LPA: variants seen among roughly 807,000 people sequenced by gnomAD.
LPA encodes the protein apolipoprotein(a).
A neutral mutation model predicts 197.9 loss-of-function variants in LPA; 199 were observed. That is an observed-to-expected ratio of 1.01 (90% CI 0.90 to 1.13). The LOEUF is 1.13. Among genes scored for constraint, LPA ranks in the 50% most tolerant of loss-of-function variants. The pLI, the probability that LPA is intolerant of heterozygous loss-of-function variation, is 0.00. For synonymous variants in LPA, 715 were observed against 639.5 expected, an observed-to-expected ratio of 1.12 and a Z score of -1.78; for missense variants, 1,853 against 1,785.8, an observed-to-expected ratio of 1.04 and a Z score of -0.68.
chr6:160,592,105 C>T (rs1207629474), intron 22 of LPA, among the ~76,000 whole-genome samples: 1 of 152,160 alleles, frequency 6.6e-6, no homozygotes, highest in Non-Finnish European at 1.5e-5. Flanking sequence ...TCAAGTATAA[C>T]TTCTGTCACA....
chr6:160,600,759 G>T (rs948221889), intron 19 of LPA, among the ~76,000 whole-genome samples, 158 bp downstream of exon 19: 1 of 152,014 alleles, frequency 6.6e-6, no homozygotes, highest in Non-Finnish European at 1.5e-5. Flanking sequence ...CACACCTCTG[G>T]CTCCCCCAGA....
At chr6:160,537,018 T>G (rs1386022925) in intron 37 of LPA, among the ~76,000 whole-genome samples, 3 of 152,194 alleles carry the variant, frequency 2.0e-5, no homozygotes, top group African/African-American at 7.2e-5. Flanking sequence ...AGTTCAGGTC[T>G]ATCTGGCAAG....
At position 160,610,661 on chromosome 6, in the gene LPA, G is replaced by C. The variant is rs771885998; in HGVS notation, c.2603+901C>G. ...TAGAGCTCCTTTCCTCCACAAACCA[G>C]TTCTTATTTGTAGCGGACCTAGAAA... On this transcript the variant is annotated intron_variant, in intron 16 of 38. Transcript: ENST00000316300. Among the ~76,000 whole-genome samples the C allele has an allele frequency of 2.6e-5, 4 of 152,132 alleles. 1 individual carries two copies. Among genetic ancestry groups the C allele is most frequent in the Non-Finnish European group, 5.9e-5 (4 of 68,032 alleles).
intron 28 of LPA, among the ~76,000 whole-genome samples, chr6:160,565,799 G>T (rs1432074544): frequency 6.6e-6 from 1 of 152,128 alleles, no homozygotes; most frequent in African/African-American, 2.4e-5. Flanking sequence ...TAGATGAATG[G>T]CAGACTAAAA....
intron 25 of LPA, among the ~76,000 whole-genome samples, chr6:160,586,077 C>A (rs1778904657): frequency 6.6e-6 from 1 of 152,138 alleles, no homozygotes; most frequent in Non-Finnish European, 1.5e-5. Context: ...CTGAAGACTG[C>A]AATAAACACT....
At chr6:160,563,016 C>A (rs1778388508) in intron 28 of LPA, among the ~76,000 whole-genome samples, 2 of 151,978 alleles carry the variant, frequency 1.3e-5, no homozygotes, top group Non-Finnish European at 2.9e-5. Flanking sequence ...TTCAAAAAAC[C>A]AGCTCTTGGA....
chr6:160,609,559 T>A (rs899799576), intron 16 of LPA, among the ~76,000 whole-genome samples: 1 of 152,120 alleles, frequency 6.6e-6, no homozygotes, highest in Non-Finnish European at 1.5e-5. Flanking sequence ...ATCCCTTTAG[T>A]TTCATGAATC....
At chr6:160,578,909 T>C (rs1009909990) in intron 26 of LPA, among the ~76,000 whole-genome samples, 2 of 152,208 alleles carry the variant, frequency 1.3e-5, no homozygotes, top group African/African-American at 4.8e-5. Flanking sequence ...ATAATTTTTG[T>C]TTTAAAACAT....
rs1267729328 is a variant in LPA, at chr6:160,540,106, A to G, written c.5672T>C (p.Ile1891Thr). The G allele has an allele frequency of 6.2e-7, 1 of 1,614,096 alleles. No homozygotes were observed. The highest frequency in any genetic ancestry group is 8.5e-7 in the Non-Finnish European group (1 of 1,180,014). ...CTCCAAGAACAGCCTAGACACTTCT[A>G]TTTCCTGAACATGAGATTCGAGGTT... is the stretch of plus-strand genomic sequence containing the variant. ...EVNLESHVQE[I>T]EVSRLFLEPT... The change falls in exon 36 of 39, where the codon ATA becomes ACA. Residue 1891 changes from isoleucine (I) to threonine (T), a missense_variant. Physicochemically the swap from Ile to Thr is moderately conservative, Grantham distance 89. Transcript: ENST00000316300.
At position 160,593,129 on chromosome 6, in the gene LPA, G is replaced by A. The variant is rs77182492; in HGVS notation, c.3629+829C>T. Among the ~76,000 whole-genome samples, 104 of 152,166 alleles carry A rather than the reference G, an allele frequency of 6.8e-4. No individual in the cohort carries two copies. The East Asian group carries it at 0.018, about 26-fold the overall frequency. On this transcript the variant is annotated intron_variant, in intron 22 of 38. Coordinates refer to ENST00000316300, the MANE Select transcript of LPA (RefSeq NM_005577.4). Reference sequence around the variant, plus strand: ...GCCTAGAATACGTCAGATGCCTGAGGCATCACAAACTCCAGTCTCTCTCCT... The same window carrying A: ...GCCTAGAATACGTCAGATGCCTGAGACATCACAAACTCCAGTCTCTCTCCT...
chr6:160,538,897 A>AC (rs1777934179), intron 36 of LPA, among the ~76,000 whole-genome samples: 1 of 152,146 alleles, frequency 6.6e-6, no homozygotes, highest in African/African-American at 2.4e-5. Flanking sequence ...CCATCAGAAC[A>AC]CCCCAGCTCT....
chr6:160,532,003 A>C, intron 38 of LPA, 113 bp from the exon 39 acceptor site: 1 of 1,251,624 alleles, frequency 8.0e-7, no homozygotes, highest in Non-Finnish European at 1.2e-6. Flanking sequence ...CAAATCAGAA[A>C]GGAACTTATG....
chr6:160,605,285 G>C (rs1779324237), intron 17 of LPA, 80 bp from the exon 18 acceptor site: 7 of 1,530,666 alleles, frequency 4.6e-6, no homozygotes, highest in Non-Finnish European at 6.3e-6. Context: ...GCACAAACCA[G>C]AAAAAAGTCT....
chr6:160,610,770 T>C lies in LPA; in HGVS notation c.2603+792A>G, dbSNP rs1190188835. Among the ~76,000 whole-genome samples the C allele has an allele frequency of 7.2e-5, 11 of 152,244 alleles. No individual in the cohort carries two copies. In the East Asian group the frequency reaches 2.1e-3, roughly 29 times the overall value. On this transcript the variant is annotated intron_variant, in intron 16 of 38. Transcript: ENST00000316300. ...CTGCTTGAGCTCCATCTCCTTGCTATTCAGTGCAGGAAGGGTATCCAGGAA... is the reference window on the plus strand; with the variant it reads ...CTGCTTGAGCTCCATCTCCTTGCTACTCAGTGCAGGAAGGGTATCCAGGAA...
intron 16 of LPA, among the ~76,000 whole-genome samples, chr6:160,609,413 C>CT (rs1779432373): frequency 1.3e-5 from 2 of 152,206 alleles, no homozygotes; most frequent in South Asian, 4.2e-4. Context: ...TATCACTGTA[C>CT]TCTAGGAAGA....
At chr6:160,568,647 C>A (rs1778506837) in intron 28 of LPA, among the ~76,000 whole-genome samples, 1 of 152,142 alleles carries the variant, frequency 6.6e-6, no homozygotes, top group African/African-American at 2.4e-5. Flanking sequence ...GGCAATTAGG[C>A]AGGAGAAGGA....
intron 2 of LPA, among the ~76,000 whole-genome samples, chr6:160,647,219 G>T (rs1336161335): frequency 5.9e-5 from 9 of 152,196 alleles, no homozygotes; most frequent in African/African-American, 1.4e-4. Context: ...ATGGCAGGAA[G>T]ACTAAGAGAT....
At chr6:160,557,711 A>G in intron 28 of LPA, 140 bp from the exon 29 acceptor site, 2 of 672,252 alleles carry the variant, frequency 3.0e-6, no homozygotes, top group Non-Finnish European at 2.6e-6. Context: ...ATATTCCGAA[A>G]AGCAAAAACG....
At position 160,586,586 on chromosome 6, in the gene LPA, C is replaced by A. The variant is rs201628383; in HGVS notation, c.3992G>T (p.Arg1331Leu). ...GGGATCCATGGTATAACACCAAGGG[C>A]GAATCTCAGCATCTGGATTCCTGCA... is the stretch of plus-strand genomic sequence containing the variant. Reference protein sequence around the residue: ...NYCRNPDAEIRPWCYTMDPSV... With the variant: ...NYCRNPDAEILPWCYTMDPSV... Residue 1331 changes from arginine (R) to leucine (L), a missense_variant, in exon 25 of 39, where the codon CGC (arginine) becomes CTC (leucine). This residue lies in a region of LPA where 1,737 missense variants were observed against 1,504.4 expected (regional missense o/e 1.15). Transcript: ENST00000316300. 2.5e-6 allele frequency: 4 copies of A among 1,613,694 alleles called. No homozygotes were observed. Among genetic ancestry groups the A allele is most frequent in the Non-Finnish European group, 3.4e-6 (4 of 1,179,784 alleles).
Sources: gnomAD v4.1 joint callset for allele counts (sites outside exome capture counted in the v4.1 genomes callset) on GRCh38, gnomAD v4.1.1 for gene constraint, gnomAD v4.1.1 regional missense constraint, MANE v1.5 for transcripts, NCBI Gene and HGNC (gene_info 2026-07-23, HGNC 2026-07-21) for gene names.